The following STK11 variants were observed in gnomAD, a reference collection of about 807,000 sequenced individuals.
STK11 encodes serine/threonine-protein kinase STK11.
Under a neutral mutation model 47.3 loss-of-function variants are expected in STK11, and 8 were observed. The ratio of observed to expected loss-of-function variants is 0.17; its 90% CI spans 0.10 to 0.31. The LOEUF (loss-of-function observed/expected upper bound fraction) is 0.31. STK11 is among the 10% of genes least tolerant of loss of function. STK11 has a pLI of 1.00. For missense variants in STK11, 475 were observed against 605.0 expected, an observed-to-expected ratio of 0.79 and a Z score of 2.25; for synonymous variants, 330 against 255.8, an observed-to-expected ratio of 1.29 and a Z score of -2.77.
intron 2 of STK11, among the ~76,000 whole-genome samples, 195 bp from the exon 3 acceptor site, chr19:1,219,129 C>G (rs542247787): frequency 1.6e-4 from 25 of 152,096 alleles, no homozygotes. Flanking sequence ...TCCCCTTCCC[C>G]GTAGGCTCCT....
In STK11 at chr19:1,219,553, TG is replaced by T. The variant is rs994562022; in HGVS notation, c.464+141del. The T allele has an allele frequency of 2.2e-4, 199 of 907,340 alleles. 1 individual carries two copies. The highest frequency in any genetic ancestry group is 9.8e-4 in the Admixed American group (34 of 34,712). The allele number at this position is 907,340 out of a possible 1,614,324, so 56.2% of individuals were successfully genotyped here. Reference sequence around the variant, plus strand: ...GTTTTTTTGTTTTTTTGTTTTTTTGTGTTTTTTTTCGAGATGGAGTCTCACT... The same window carrying T: ...GTTTTTTTGTTTTTTTGTTTTTTTGTTTTTTTTTCGAGATGGAGTCTCACT... On this transcript the variant is annotated intron_variant, in intron 3 of 9. Transcript: ENST00000326873.
At position 1,206,829 on chromosome 19, in the gene STK11, G is replaced by T. The variant is rs2145403997; in HGVS notation, c.-85G>T. 5.7e-6 allele frequency: 8 copies of T among 1,411,822 alleles called. No homozygotes were observed. Among genetic ancestry groups the T allele is most frequent in the East Asian group, 2.6e-5 (1 of 39,150 alleles). 87.5% of individuals were successfully genotyped at this position (1,411,822 alleles called of 1,614,324 possible). On this transcript the variant is annotated 5_prime_UTR_variant, in exon 1 of 10. Coordinates refer to ENST00000326873, the MANE Select transcript of STK11 (RefSeq NM_000455.5). ...TTTTCTTTTTTCTTTGTAAAATTTT[G>T]GAGAAGGGAAGTCGGAACACAAGGA...
At position 1,227,969 on chromosome 19, in the gene STK11, A is replaced by C; in HGVS notation, c.*393A>C. ...AGACCAGCTGGCGGGTGTGGAGACCAGGCTCCTGACCCCGCCATGCATGCA... is the reference window on the plus strand; with the variant it reads ...AGACCAGCTGGCGGGTGTGGAGACCCGGCTCCTGACCCCGCCATGCATGCA... On this transcript the variant is annotated 3_prime_UTR_variant, in exon 10 of 10. Coordinates refer to ENST00000326873, the MANE Select transcript of STK11 (RefSeq NM_000455.5). 9.4e-7 allele frequency: 1 copy of C among 1,069,276 alleles called. No homozygotes were observed. The highest frequency in any genetic ancestry group is 1.1e-6 in the Non-Finnish European group (1 of 881,730). 66.2% of individuals were successfully genotyped at this position (1,069,276 alleles called of 1,614,324 possible).
chr19:1,227,070 G>A (rs2080829320), intron 9 of STK11: 2 of 197,714 alleles, frequency 1.0e-5, no homozygotes, highest in Non-Finnish European at 2.1e-5. Context: ...GAGGGGCCGC[G>A]GCCTCCATGG....
rs2080843227 is a variant in STK11, at chr19:1,228,263, G to C, written c.*687G>C. 5.0e-6 allele frequency: 2 copies of C among 403,372 alleles called. No homozygotes were observed. The highest frequency in any genetic ancestry group is 1.1e-4 in the South Asian group (1 of 8,946). The allele number at this position is 403,372 out of a possible 1,614,324, so 25.0% of individuals were successfully genotyped here. ...AGGCCACTGCGCTCTTGGGACCCCA[G>C]AGAAAACCCGGAGCAAGCAGGAGTG... On this transcript the variant is annotated 3_prime_UTR_variant, in exon 10 of 10. Transcript: ENST00000326873.
intron 1 of STK11, chr19:1,216,120 T>G (rs1429582022): frequency 6.5e-6 from 1 of 154,278 alleles, no homozygotes; most frequent in African/African-American, 2.4e-5. Flanking sequence ...ATTTACATAC[T>G]GTACAACTCA....
At position 1,227,753 on chromosome 19, in the gene STK11, G is replaced by A. The variant is rs1207401129; in HGVS notation, c.*177G>A. On this transcript the variant is annotated 3_prime_UTR_variant, in exon 10 of 10. Transcript: ENST00000326873. Reference sequence around the variant, plus strand: ...GCCGGGCAGGGGGACAGCAGGGACCGGGCGCAGCCCTCCCCCCTCGGCCGC... The same window carrying A: ...GCCGGGCAGGGGGACAGCAGGGACCAGGCGCAGCCCTCCCCCCTCGGCCGC... 2.8e-5 allele frequency: 30 copies of A among 1,073,308 alleles called. No homozygotes were observed. Among genetic ancestry groups the A allele is most frequent in the South Asian group, 9.1e-5 (2 of 22,042 alleles). 66.5% of individuals were successfully genotyped at this position (1,073,308 alleles called of 1,614,324 possible).
chr19:1,220,376 C>T lies in STK11; in HGVS notation c.468C>T (p.Tyr156=), dbSNP rs786201349. ...KRFPVCQAHG[Y]FCQLIDGLEY... ...GACGGGTGTGTGCTGCCCGCAGGTA[C>T]TTCTGTCAGCTGATTGACGGCCTGG... is the stretch of plus-strand genomic sequence containing the variant. Residue 156 remains tyrosine (Y), a synonymous_variant, in exon 4 of 10, where the codon TAC becomes TAT. Coordinates refer to ENST00000326873, the MANE Select transcript of STK11 (RefSeq NM_000455.5). The T allele has an allele frequency of 1.9e-6, 3 of 1,600,824 alleles. No homozygotes were observed. The highest frequency in any genetic ancestry group is 3.4e-5 in the Admixed American group (2 of 58,212).
At chr19:1,220,342 C>T (rs749701600) in intron 3 of STK11, 31 bp from the exon 4 acceptor site, 20 of 1,584,822 alleles carry the variant, frequency 1.3e-5, no homozygotes, top group African/African-American at 6.7e-5. Flanking sequence ...AGGGAGGCCT[C>T]GGCCCCAGGA....
At chr19:1,225,850 T>G in intron 8 of STK11, 1 of 986,284 alleles carries the variant, frequency 1.0e-6, no homozygotes, top group African/African-American at 1.7e-5. Flanking sequence ...CCTGCCATTG[T>G]GAGAACAGTG....
intron 5 of STK11, 62 bp downstream of exon 5, chr19:1,220,779 G>C: frequency 6.5e-7 from 1 of 1,544,270 alleles, no homozygotes; most frequent in East Asian, 2.3e-5. Flanking sequence ...TCTGCGTCTT[G>C]GGCAGCTGCC....
At chr19:1,222,407 G>T (rs1331906359) in intron 7 of STK11, among the ~76,000 whole-genome samples, 1 of 152,176 alleles carries the variant, frequency 6.6e-6, no homozygotes. Flanking sequence ...GCAGCGGACG[G>T]GGTCAGCAGG....
intron 8 of STK11, chr19:1,225,543 A>T (rs2080814834): frequency 1.0e-6 from 1 of 985,370 alleles, no homozygotes; most frequent in African/African-American, 1.7e-5. Flanking sequence ...TGCTGGGATT[A>T]CAAGCGTGAG....
chr19:1,211,864 A>G (rs1229162536), intron 1 of STK11, among the ~76,000 whole-genome samples: 1 of 152,194 alleles, frequency 6.6e-6, no homozygotes, highest in Non-Finnish European at 1.5e-5. Context: ...GATTTTCGCG[A>G]GCTGGGAGTC....
chr19:1,220,325 G>A (rs1281264642), intron 3 of STK11, 48 bp from the exon 4 acceptor site: 1 of 1,571,572 alleles, frequency 6.4e-7, no homozygotes, highest in Non-Finnish European at 8.6e-7. Context: ...GGACCCCTGT[G>A]AGGGGCAGGG....
chr19:1,223,872 T>C (rs2080803285), intron 8 of STK11: 3 of 1,019,554 alleles, frequency 2.9e-6, no homozygotes, highest in East Asian at 6.5e-5. Context: ...AGTTTTGCAG[T>C]GTATCTGCAG....
At chr19:1,225,251 G>T (rs2080812733) in intron 8 of STK11, 3 of 985,250 alleles carry the variant, frequency 3.0e-6, no homozygotes, top group Non-Finnish European at 3.6e-6. Flanking sequence ...TGCAATTGGT[G>T]CCTCCTCACC....
intron 1 of STK11, among the ~76,000 whole-genome samples, chr19:1,214,826 T>C (rs1242408521): frequency 6.6e-6 from 1 of 152,154 alleles, no homozygotes; most frequent in Non-Finnish European, 1.5e-5. Context: ...GCTGGAATAG[T>C]GTCCTGGGCC....
At chr19:1,219,585 G>T (rs1017484804) in intron 3 of STK11, among the ~76,000 whole-genome samples, 172 bp downstream of exon 3, 5 of 151,578 alleles carry the variant, frequency 3.3e-5, no homozygotes, top group African/African-American at 1.2e-4. Flanking sequence ...TCACTCTGTC[G>T]CCCAGGCTGG....
Sources: gnomAD v4.1 joint callset for allele counts (sites outside exome capture counted in the v4.1 genomes callset) on GRCh38, gnomAD v4.1.1 for gene constraint, MANE v1.5 for transcripts, NCBI Gene and HGNC (gene_info 2026-07-23, HGNC 2026-07-21) for gene names.